The following TRPM3 variants were observed in gnomAD, a reference collection of about 807,000 sequenced individuals.
TRPM3 encodes the protein transient receptor potential cation channel subfamily M member 3.
TRPM3 carries 77 observed loss-of-function variants against 181.2 expected under a neutral mutation model. The observed-to-expected ratio is 0.42, with a 90% CI of 0.35 to 0.51. The LOEUF is 0.51. Among genes scored for constraint, TRPM3 ranks in the 20% least tolerant of loss-of-function variants. The probability of loss-of-function intolerance (pLI) is 0.01; values close to 1 mark genes in which losing one functional copy is unlikely to be tolerated. For missense variants in TRPM3, 1,759 were observed against 2,196.7 expected (o/e 0.80, Z 3.98); for synonymous variants, 745 against 796.4 (o/e 0.94, Z 1.09).
intron 1 of TRPM3, among the ~76,000 whole-genome samples, chr9:71,349,792 C>A (rs1261860910): frequency 6.6e-6 from 1 of 152,042 alleles, no homozygotes; most frequent in Non-Finnish European, 1.5e-5. Flanking sequence ...TGCTACAGAA[C>A]TGGGACCTGT....
intron 3 of TRPM3, among the ~76,000 whole-genome samples, chr9:70,850,272 C>A: frequency 6.6e-6 from 1 of 152,220 alleles, no homozygotes; most frequent in South Asian, 2.1e-4. Context: ...CCAATGTGTA[C>A]TTTTGTGCCA....
At chr9:70,563,434 G>A (rs1262050127) in intron 22 of TRPM3, among the ~76,000 whole-genome samples, 1 of 152,208 alleles carries the variant, frequency 6.6e-6, no homozygotes, top group African/African-American at 2.4e-5. Flanking sequence ...AGCTGGAAGA[G>A]GTAGCCCTAC....
intron 1 of TRPM3, among the ~76,000 whole-genome samples, chr9:71,361,135 C>A (rs1206350424): frequency 3.3e-5 from 5 of 152,070 alleles, no homozygotes; most frequent in African/African-American, 1.2e-4. Context: ...TACAGGTGTG[C>A]ACCACCACGC....
intron 1 of TRPM3, among the ~76,000 whole-genome samples, chr9:70,923,055 G>A (rs2096674223): frequency 6.6e-6 from 1 of 152,004 alleles, no homozygotes; most frequent in South Asian, 2.1e-4. Context: ...TCCAAATGGA[G>A]TGGACTATTG....
At chr9:71,320,933 C>T (rs2089165077) in intron 1 of TRPM3, among the ~76,000 whole-genome samples, 2 of 152,064 alleles carry the variant, frequency 1.3e-5, no homozygotes, top group Admixed American at 1.3e-4. Flanking sequence ...CCATCCTTGA[C>T]ATCGCTCTCT....
At position 70,798,363 on chromosome 9, in the gene TRPM3, G is replaced by T. The variant is rs572988538; in HGVS notation, c.974-14084C>A. Among the ~76,000 whole-genome samples, 6 of 152,178 alleles carry T rather than the reference G, an allele frequency of 3.9e-5. No individual in the cohort carries two copies. In the East Asian group the frequency reaches 9.7e-4, roughly 25 times the overall value. On this transcript the variant is annotated intron_variant, in intron 6 of 25. Coordinates refer to ENST00000677713, the MANE Select transcript of TRPM3 (RefSeq NM_001366145.2). The stretch of plus-strand genomic sequence containing the variant: ...AACCACCATGCCTGGGCCCCTCGGG[G>T]TACTATTTACTTTAGCCCCTCAGAG...
intron 1 of TRPM3, among the ~76,000 whole-genome samples, chr9:71,376,278 T>C (rs2092663561): frequency 6.6e-6 from 1 of 152,072 alleles, no homozygotes; most frequent in Non-Finnish European, 1.5e-5. Context: ...GTTTAAAGAC[T>C]ATCAGACAAG....
chr9:71,063,325 T>A (rs1399138707), intron 1 of TRPM3, among the ~76,000 whole-genome samples: 1 of 152,174 alleles, frequency 6.6e-6, no homozygotes, highest in East Asian at 1.9e-4. Context: ...AATTCTTTTA[T>A]GAAATCAGTA....
chr9:71,083,553 G>T (rs1425047563), intron 1 of TRPM3, among the ~76,000 whole-genome samples: 1 of 151,934 alleles, frequency 6.6e-6, no homozygotes, highest in African/African-American at 2.4e-5. Flanking sequence ...ATGTTTTGAT[G>T]GATGGGAAAG....
intron 8 of TRPM3, among the ~76,000 whole-genome samples, chr9:70,699,003 C>G (rs949687130): frequency 4.6e-5 from 7 of 152,122 alleles, no homozygotes. Context: ...AATGCAAGAA[C>G]GAACTAATAC....
At chr9:70,638,538 A>T (rs1216447063) in intron 11 of TRPM3, among the ~76,000 whole-genome samples, 1 of 152,150 alleles carries the variant, frequency 6.6e-6, no homozygotes, top group Non-Finnish European at 1.5e-5. Context: ...TAAATTAACA[A>T]ATCATTACTA....
intron 1 of TRPM3, among the ~76,000 whole-genome samples, chr9:71,016,813 C>T (rs961761471): frequency 4.6e-5 from 7 of 152,042 alleles, no homozygotes; most frequent in Admixed American, 2.0e-4. Flanking sequence ...TTTTGAGGAA[C>T]ACGTTCTGTT....
intron 1 of TRPM3, among the ~76,000 whole-genome samples, chr9:70,869,550 C>T (rs1209563282): frequency 6.6e-6 from 1 of 152,028 alleles, no homozygotes; most frequent in African/African-American, 2.4e-5. Flanking sequence ...AGAGAAACTG[C>T]TAAAATCTCT....
intron 1 of TRPM3, among the ~76,000 whole-genome samples, chr9:70,880,449 A>C (rs542009625): frequency 6.6e-6 from 1 of 152,106 alleles, no homozygotes; most frequent in African/African-American, 2.4e-5. Flanking sequence ...GGTAGTTTTT[A>C]AATGATGGTC....
chr9:71,263,652 G>A (rs953175259), intron 1 of TRPM3, among the ~76,000 whole-genome samples: 15 of 152,164 alleles, frequency 9.9e-5, no homozygotes, highest in Admixed American at 3.3e-4. Flanking sequence ...GTAAAGCTGT[G>A]TGTTGATTCT....
chr9:71,191,981 T>C (rs910347037), intron 1 of TRPM3, among the ~76,000 whole-genome samples: 3 of 151,764 alleles, frequency 2.0e-5, no homozygotes, highest in East Asian at 3.9e-4. Flanking sequence ...AACATTCTAA[T>C]AAACATGTTA....
chr9:71,167,054 C>CA (rs1456617324), intron 1 of TRPM3, among the ~76,000 whole-genome samples: 1 of 151,732 alleles, frequency 6.6e-6, no homozygotes, highest in Admixed American at 6.6e-5. Context: ...CATTTTTGTA[C>CA]AAAAACAAAC....
chr9:70,879,200 A>C (rs1416014717), intron 1 of TRPM3, among the ~76,000 whole-genome samples: 1 of 152,134 alleles, frequency 6.6e-6, no homozygotes, highest in Non-Finnish European at 1.5e-5. Context: ...CAGAGAAGTA[A>C]ATACACATGC....
At chr9:70,607,241 A>G (rs1029598468) in intron 19 of TRPM3, among the ~76,000 whole-genome samples, 2 of 152,186 alleles carry the variant, frequency 1.3e-5, no homozygotes, top group Non-Finnish European at 2.9e-5. Context: ...AGAGTAGGAG[A>G]GACCATTTTT....
Sources: allele counts gnomAD v4.1 joint callset (sites outside exome capture counted in the v4.1 genomes callset), GRCh38; gene constraint gnomAD v4.1.1; transcripts MANE v1.5; gene names NCBI Gene and HGNC (gene_info 2026-07-23, HGNC 2026-07-21).